The following ACSS3 variants were observed in gnomAD, a reference collection of about 807,000 sequenced individuals.
ACSS3 encodes the protein acyl-CoA synthetase short-chain family member 3, mitochondrial.
ACSS3 carries 64 observed loss-of-function variants against 84.2 expected under a neutral mutation model. The ratio of observed to expected loss-of-function variants is 0.76; its 90% CI spans 0.62 to 0.94. The LOEUF (loss-of-function observed/expected upper bound fraction) is 0.94, where lower values mean the gene tolerates loss of function less well. Among genes scored for constraint, ACSS3 ranks in the 40% least tolerant of loss-of-function variants. The pLI is 0.00. For missense variants in ACSS3, 815 were observed against 867.6 expected (o/e 0.94, Z 0.76); for synonymous variants, 317 against 310.1 (o/e 1.02, Z -0.23).
chr12:81,245,416 C>G lies in ACSS3; in HGVS notation c.1720-7891C>G, dbSNP rs980187616. On this transcript the variant is annotated intron_variant, in intron 13 of 15. Transcript: ENST00000548058. ...GGCGGAGCTTGCAGTGAGCTGAGAT[C>G]GCGCCACTGCACTGCAGCCTGGGTG... 5.3e-5 allele frequency among the ~76,000 whole-genome samples: 8 copies of G among 152,220 alleles called. No individual in the cohort carries two copies. In the South Asian group the frequency reaches 8.3e-4, roughly 16 times the overall value.
At chr12:81,124,936 C>T (rs898920128) in intron 2 of ACSS3, among the ~76,000 whole-genome samples, 5 of 152,250 alleles carry the variant, frequency 3.3e-5, no homozygotes, top group Admixed American at 6.5e-5. Flanking sequence ...ATAAATTGTC[C>T]GGGCTTGGTG....
rs1454599043 is a variant in ACSS3, at chr12:81,135,048, T to C, written c.645+44T>C. On this transcript the variant is annotated intron_variant, in intron 3 of 15. Coordinates refer to ENST00000548058, the MANE Select transcript of ACSS3 (RefSeq NM_024560.4). Reference sequence around the variant, plus strand: ...GAAATCAAGTAGTAGCTATGTATAATTTAGTCATATTTATCTGTGGATGAA... The same window carrying C: ...GAAATCAAGTAGTAGCTATGTATAACTTAGTCATATTTATCTGTGGATGAA... The C allele has an allele frequency of 5.5e-6, 8 of 1,462,874 alleles. No individual in the cohort carries two copies. In the African/African-American group the frequency reaches 8.4e-5, roughly 15 times the overall value. 90.6% of individuals were successfully genotyped at this position (1,462,874 alleles called of 1,614,324 possible).
chr12:81,126,474 T>C (rs1391117452), intron 2 of ACSS3, among the ~76,000 whole-genome samples: 1 of 152,238 alleles, frequency 6.6e-6, no homozygotes, highest in Non-Finnish European at 1.5e-5. Context: ...ATTTTCTCTG[T>C]CCACAATGGC....
At chr12:81,201,539 A>G (rs2032109585) in intron 9 of ACSS3, among the ~76,000 whole-genome samples, 1 of 152,224 alleles carries the variant, frequency 6.6e-6, no homozygotes, top group African/African-American at 2.4e-5. Flanking sequence ...AGCCTGTGAC[A>G]GAAGCATATG....
chr12:81,242,571 A>G (rs1267416946), intron 13 of ACSS3, among the ~76,000 whole-genome samples: 1 of 150,434 alleles, frequency 6.6e-6, no homozygotes, highest in Non-Finnish European at 1.5e-5. Context: ...AGAATTTTAG[A>G]CCAATATCAT....
Position 81,217,715 on chromosome 12 carries a change from C to T in ACSS3, c.1450+719C>T, listed in dbSNP as rs112119345. ...AAAATTAGCCGGGTGTGGTGGTGTGCGCCTCTAACCCCAGCTACTTGGGAG... is the reference window on the plus strand; with the variant it reads ...AAAATTAGCCGGGTGTGGTGGTGTGTGCCTCTAACCCCAGCTACTTGGGAG... On this transcript the variant is annotated intron_variant, in intron 10 of 15. Coordinates refer to ENST00000548058, the MANE Select transcript of ACSS3 (RefSeq NM_024560.4). Among the ~76,000 whole-genome samples, 942 of 151,998 alleles carry T rather than the reference C, an allele frequency of 6.2e-3. 10 individuals carry two copies. Among genetic ancestry groups the T allele is most frequent in the African/African-American group, 0.021 (869 of 41,450 alleles).
chr12:81,160,835 G>A (rs1192193464), intron 7 of ACSS3, among the ~76,000 whole-genome samples: 1 of 152,114 alleles, frequency 6.6e-6, no homozygotes, highest in Non-Finnish European at 1.5e-5. Flanking sequence ...GCCATGGTAT[G>A]ATTTCTGACA....
intron 11 of ACSS3, among the ~76,000 whole-genome samples, chr12:81,230,582 C>T (rs1467133733): frequency 1.3e-5 from 2 of 151,720 alleles, no homozygotes; most frequent in Non-Finnish European, 2.9e-5. Flanking sequence ...CGGAGGGAGG[C>T]ATATTGATTA....
rs188026905 is a variant in ACSS3, at chr12:81,103,297, G to T, written c.312-6263G>T. 5.9e-5 allele frequency among the ~76,000 whole-genome samples: 9 copies of T among 152,222 alleles called. No homozygotes were observed. The East Asian group carries it at 1.7e-3, about 29-fold the overall frequency. ...GAAATACTCTAAAGTATATTTTTTA[G>T]TATTTTTACAGTGAGCATTAGTTAC... On this transcript the variant is annotated intron_variant, in intron 1 of 15. Coordinates refer to ENST00000548058, the MANE Select transcript of ACSS3 (RefSeq NM_024560.4).
Position 81,100,706 on chromosome 12 carries a change from G to C in ACSS3, c.312-8854G>C, listed in dbSNP as rs187035146. Among the ~76,000 whole-genome samples the C allele has an allele frequency of 3.4e-3, 518 of 152,248 alleles. 2 individuals are homozygous for C. Among genetic ancestry groups the C allele is most frequent in the Admixed American group, 6.3e-3 (96 of 15,290 alleles). On this transcript the variant is annotated intron_variant, in intron 1 of 15. Coordinates refer to ENST00000548058, the MANE Select transcript of ACSS3 (RefSeq NM_024560.4). ...TCGCTCATCCTACAAATTGATCTTG[G>C]GTTATTAGGAAGATTTGCCCCAGGC...
intron 2 of ACSS3, among the ~76,000 whole-genome samples, chr12:81,123,028 C>T (rs1331812654): frequency 6.6e-6 from 1 of 151,298 alleles, no homozygotes; most frequent in African/African-American, 2.4e-5. Context: ...AACTGCTTAA[C>T]ATATAATATA....
chr12:81,171,678 T>C (rs570872032), intron 7 of ACSS3, among the ~76,000 whole-genome samples: 15 of 152,318 alleles, frequency 9.8e-5, no homozygotes, highest in Non-Finnish European at 1.5e-4. Context: ...AGACTTGCAA[T>C]AGAAGTTAAA....
chr12:81,191,587 A>G (rs1036567431), intron 8 of ACSS3, among the ~76,000 whole-genome samples: 7 of 152,188 alleles, frequency 4.6e-5, no homozygotes, highest in Admixed American at 3.9e-4. Context: ...AAGGTTTTTA[A>G]GTTATGAATT....
chr12:81,107,759 A>G (rs1198204809), intron 1 of ACSS3, among the ~76,000 whole-genome samples: 2 of 151,486 alleles, frequency 1.3e-5, no homozygotes, highest in Non-Finnish European at 2.9e-5. Context: ...CAGCTGATCT[A>G]GGTTGGGGGT....
intron 2 of ACSS3, among the ~76,000 whole-genome samples, chr12:81,123,380 A>G (rs1210618949): frequency 6.6e-6 from 1 of 152,196 alleles, no homozygotes; most frequent in Non-Finnish European, 1.5e-5. Flanking sequence ...TAACTTTTAG[A>G]GTGTCTATTT....
intron 7 of ACSS3, among the ~76,000 whole-genome samples, chr12:81,165,028 C>T (rs144636352): frequency 6.9e-4 from 105 of 152,172 alleles, no homozygotes; most frequent in African/African-American, 2.5e-3. Context: ...AATGATGACT[C>T]AGCTATTACT....
At chr12:81,251,668 C>CA (rs71098134) in intron 13 of ACSS3, among the ~76,000 whole-genome samples, 1,651 of 87,838 alleles carry the variant, frequency 0.019, 58 homozygotes, top group Admixed American at 0.068. Context: ...CCCATCTCTA[C>CA]AAAAAAAAAA....
chr12:81,188,466 T>C (rs374520620), intron 8 of ACSS3, among the ~76,000 whole-genome samples: 1 of 152,074 alleles, frequency 6.6e-6, no homozygotes, highest in African/African-American at 2.4e-5. Context: ...GATCAAGAAA[T>C]AGCACATATC....
intron 1 of ACSS3, among the ~76,000 whole-genome samples, chr12:81,083,149 G>A (rs1881093724): frequency 6.6e-6 from 1 of 152,146 alleles, no homozygotes; most frequent in Admixed American, 6.5e-5. Flanking sequence ...GAGTTGCTGG[G>A]ACTTACTTTC....
Sources: allele counts gnomAD v4.1 joint callset (sites outside exome capture counted in the v4.1 genomes callset), GRCh38; gene constraint gnomAD v4.1.1; transcripts MANE v1.5; gene names NCBI Gene and HGNC (gene_info 2026-07-23, HGNC 2026-07-21).